JAK2: variants seen among roughly 807,000 people sequenced by gnomAD.
The protein encoded by JAK2 is tyrosine-protein kinase JAK2.
In JAK2, 86 loss-of-function variants were observed where a neutral mutation model predicts 139.3. The ratio of observed to expected loss-of-function variants is 0.62; its 90% confidence interval spans 0.52 to 0.74. The LOEUF is 0.74. JAK2 is among the 30% of genes least tolerant of loss of function. The pLI, the probability that JAK2 is intolerant of heterozygous loss-of-function variation, is 0.00. For synonymous variants in JAK2, 490 were observed against 437.7 expected (o/e 1.12, Z -1.49); for missense variants, 1,421 against 1,360.3 (o/e 1.04, Z -0.70).
chr9:4,986,866 C>T (rs1420069130), intron 2 of JAK2, among the ~76,000 whole-genome samples: 2 of 152,126 alleles, frequency 1.3e-5, no homozygotes, highest in Non-Finnish European at 2.9e-5. Flanking sequence ...AGTACCTATG[C>T]GGGGAATTTT....
At position 5,028,775 on chromosome 9, in the gene JAK2, C is replaced by A. The variant is rs80162993; in HGVS notation, c.227-1008C>A. On this transcript the variant is annotated intron_variant, in intron 3 of 24. Transcript: ENST00000381652. Reference sequence around the variant, plus strand: ...TGAACCAGCCTCTACTAGCTTCTTGCTTTTCTTCTGCAGCTTCCTCACCTC... The same window carrying A: ...TGAACCAGCCTCTACTAGCTTCTTGATTTTCTTCTGCAGCTTCCTCACCTC... Among the ~76,000 whole-genome samples, 37 of 152,296 alleles carry A rather than the reference C, an allele frequency of 2.4e-4. No homozygotes were observed. The East Asian group carries it at 6.9e-3, about 29-fold the overall frequency.
rs760685821 is a variant in JAK2 at position 5,090,733 on chromosome 9, C to T, written c.2887-6C>T. On this transcript the variant is annotated splice_region_variant and splice_polypyrimidine_tract_variant and intron_variant, in intron 21 of 24. Coordinates refer to ENST00000381652, the MANE Select transcript of JAK2 (RefSeq NM_004972.4). Reference sequence around the variant, plus strand: ...ACTAGCTGAAAGAAAAATGTTTTATCCATAGGGTATGGAGTATCTTGGTAC... The same window carrying T: ...ACTAGCTGAAAGAAAAATGTTTTATTCATAGGGTATGGAGTATCTTGGTAC... The T allele has an allele frequency of 3.2e-6, 5 of 1,583,366 alleles. No homozygotes were observed. In the African/African-American group the frequency reaches 5.5e-5, roughly 17 times the overall value.
chr9:5,119,025 T>C (rs1476693983), intron 22 of JAK2, among the ~76,000 whole-genome samples: 3 of 152,170 alleles, frequency 2.0e-5, no homozygotes, highest in East Asian at 1.9e-4. Flanking sequence ...TCAGAAAAGT[T>C]TGAAAAAACA....
intron 12 of JAK2, 27 bp downstream of exon 12, chr9:5,070,079 C>G (rs1367520443): frequency 6.6e-7 from 1 of 1,517,770 alleles, no homozygotes; most frequent in Non-Finnish European, 9.0e-7. Context: ...TCATTACTGT[C>G]TTTTTTGTCC....
At chr9:5,046,078 G>C (rs1178284012) in intron 5 of JAK2, among the ~76,000 whole-genome samples, 3 of 152,092 alleles carry the variant, frequency 2.0e-5, no homozygotes, top group Admixed American at 1.3e-4. Flanking sequence ...CATCTCTATG[G>C]GTTTGAGGTG....
intron 4 of JAK2, among the ~76,000 whole-genome samples, 178 bp from the exon 5 acceptor site, chr9:5,044,225 C>T (rs1046154373): frequency 6.6e-6 from 1 of 152,150 alleles, no homozygotes; most frequent in Non-Finnish European, 1.5e-5. Flanking sequence ...CTTGTACTTT[C>T]TGCCTATATT....
At position 5,089,700 on chromosome 9, in the gene JAK2, C is replaced by T. The variant is rs779388952; in HGVS notation, c.2598C>T (p.Cys866=). The part of the protein sequence containing the change: ...GKGNFGSVEM[C]RYDPLQDNTG... ...GTAATTTTGGGAGTGTGGAGATGTG[C>T]CGGTATGACCCTCTACAGGACAACA... Residue 866 remains cysteine, a synonymous_variant, in exon 20 of 25, where the codon TGC becomes TGT. Coordinates refer to ENST00000381652, the MANE Select transcript of JAK2 (RefSeq NM_004972.4). 3 of 1,460,746 alleles carry T rather than the reference C, an allele frequency of 2.1e-6. No homozygotes were observed. Among genetic ancestry groups the T allele is most frequent in the Non-Finnish European group, 2.7e-6 (3 of 1,101,192 alleles). 90.5% of individuals were successfully genotyped at this position (1,460,746 alleles called of 1,614,324 possible).
chr9:5,006,509 A>G (rs1278317738), intron 2 of JAK2, among the ~76,000 whole-genome samples: 1 of 152,186 alleles, frequency 6.6e-6, no homozygotes, highest in South Asian at 2.1e-4. Flanking sequence ...TTTTTAAAGA[A>G]AAGTTGTTTA....
chr9:5,055,022 C>G (rs1015871989), intron 7 of JAK2, 138 bp downstream of exon 7: 10 of 532,052 alleles, frequency 1.9e-5, no homozygotes, highest in Non-Finnish European at 3.2e-5. Context: ...TAGCGTGAAC[C>G]TATCAAGGTC....
At chr9:4,987,619 C>G (rs1248582645) in intron 2 of JAK2, among the ~76,000 whole-genome samples, 1 of 150,320 alleles carries the variant, frequency 6.7e-6, no homozygotes, top group African/African-American at 2.5e-5. Flanking sequence ...ACCTGTAATC[C>G]CAGCTACTCG....
At chr9:5,021,321 C>G (rs1437004973) in intron 2 of JAK2, among the ~76,000 whole-genome samples, 9 of 152,186 alleles carry the variant, frequency 5.9e-5, no homozygotes, top group Admixed American at 5.9e-4. Context: ...TAACTCTAGT[C>G]AACCTTCTGG....
rs140392449 is a variant in JAK2 at position 5,066,682 on chromosome 9, G to A, written c.1219G>A (p.Asp407Asn). 17 of 1,577,336 alleles carry A rather than the reference G, an allele frequency of 1.1e-5. No homozygotes were observed. Among genetic ancestry groups the A allele is most frequent in the African/African-American group, 1.3e-5 (1 of 74,154 alleles). Residue 407 changes from aspartate to asparagine, a missense_variant, in exon 10 of 25, where the codon GAT becomes AAT. Physicochemically the swap from Asp to Asn is conservative, Grantham distance 23. Transcript: ENST00000381652. ...QSNCHGPISM[D>N]FAISKLKKAG... ...TTGCTTCTTCTTTACCTTTAGGATG[G>A]ATTTTGCCATTAGTAAACTGAAGAA...
chr9:5,052,389 A>T (rs1817476429), intron 6 of JAK2, among the ~76,000 whole-genome samples: 1 of 152,024 alleles, frequency 6.6e-6, no homozygotes, highest in Non-Finnish European at 1.5e-5. Flanking sequence ...ATAAACACAG[A>T]TGCAAAATGC....
At chr9:5,050,609 G>T (rs578048436) in intron 5 of JAK2, 77 bp from the exon 6 acceptor site, 3 of 1,408,738 alleles carry the variant, frequency 2.1e-6, no homozygotes, top group Non-Finnish European at 3.0e-6. Flanking sequence ...TGAAAATTAT[G>T]ATTAAAATAT....
intron 14 of JAK2, among the ~76,000 whole-genome samples, 181 bp downstream of exon 14, chr9:5,073,966 G>T (rs1819141549): frequency 6.6e-6 from 1 of 152,110 alleles, no homozygotes; most frequent in Admixed American, 6.6e-5. Flanking sequence ...AAAAAGGAAA[G>T]CAATGAAGTT....
chr9:5,033,496 T>C (rs1823325096), intron 4 of JAK2, among the ~76,000 whole-genome samples: 1 of 152,148 alleles, frequency 6.6e-6, no homozygotes, highest in South Asian at 2.1e-4. Flanking sequence ...GAGAGAAAGG[T>C]TGGGTAACCC....
At chr9:5,106,031 A>G (rs1009988466) in intron 22 of JAK2, among the ~76,000 whole-genome samples, 1 of 152,248 alleles carries the variant, frequency 6.6e-6, no homozygotes, top group Non-Finnish European at 1.5e-5. Flanking sequence ...AAACGCCAGA[A>G]ACAAAGGCAA....
At chr9:5,008,655 G>C (rs921235506) in intron 2 of JAK2, among the ~76,000 whole-genome samples, 1 of 152,178 alleles carries the variant, frequency 6.6e-6, no homozygotes, top group Non-Finnish European at 1.5e-5. Context: ...AACTCTTTTA[G>C]AGTTTCTTTG....
Position 5,128,477 on chromosome 9 carries a change from A to G in JAK2, c.*1686A>G, listed in dbSNP as rs1824146311. Among the ~76,000 whole-genome samples the G allele has an allele frequency of 2.6e-5, 4 of 151,908 alleles. No homozygotes were observed. Among genetic ancestry groups the G allele is most frequent in the Admixed American group, 2.6e-4 (4 of 15,256 alleles). On this transcript the variant is annotated 3_prime_UTR_variant, in exon 25 of 25. Transcript: ENST00000381652. Reference sequence around the variant, plus strand: ...TTTTACTACCTTTCAAGTGAAAAATAGCCTATCATACAATATGCTTGATTT... The same window carrying G: ...TTTTACTACCTTTCAAGTGAAAAATGGCCTATCATACAATATGCTTGATTT...
Sources: allele counts gnomAD v4.1 joint callset (sites outside exome capture counted in the v4.1 genomes callset), GRCh38; gene constraint gnomAD v4.1.1; transcripts MANE v1.5; gene names NCBI Gene and HGNC (gene_info 2026-07-23, HGNC 2026-07-21).